The following NMBR variants were observed in gnomAD, a reference collection of about 807,000 sequenced individuals.
The protein encoded by NMBR is neuromedin-B receptor.
Under a neutral mutation model 20.5 loss-of-function variants are expected in NMBR, and 16 were observed. That is an observed-to-expected ratio of 0.78 (90% CI 0.53 to 1.19). NMBR has a LOEUF of 1.19. NMBR is among the 50% of genes most tolerant of loss of function. The pLI is 0.00. For synonymous variants in NMBR, 212 were observed against 196.6 expected (o/e 1.08, Z -0.65); for missense variants, 582 against 499.1 (o/e 1.17, Z -1.58).
Position 142,079,154 on chromosome 6 carries a change from G to GAAAGAA in NMBR, c.423-252_423-251insTTCTTT, listed in dbSNP as rs1562390312. Among the ~76,000 whole-genome samples, 4 of 76,592 alleles carry GAAAGAA rather than the reference G, an allele frequency of 5.2e-5. No individual in the cohort carries two copies. In the East Asian group the frequency reaches 2.4e-3, roughly 46 times the overall value. 50.2% of individuals were successfully genotyped at this position (76,592 alleles called of 152,430 possible). On this transcript the variant is annotated intron_variant, in intron 2 of 3. Transcript: ENST00000258042. ...GAAAGAAAGAAAGAAAAAGAAGAGA[G>GAAAGAA]GAGAGGAGAGGAAAGGAAAGGAAAG...
intron 1 of NMBR, among the ~76,000 whole-genome samples, chr6:142,114,059 T>C (rs1239412350): frequency 2.0e-5 from 3 of 151,984 alleles, no homozygotes; most frequent in Non-Finnish European, 2.9e-5. Context: ...AATTACAAAA[T>C]AGGAAAAGCG....
chr6:142,106,929 A>C (rs1398317707), intron 1 of NMBR, among the ~76,000 whole-genome samples: 8 of 152,220 alleles, frequency 5.3e-5, no homozygotes, highest in Non-Finnish European at 7.3e-5. Context: ...ACATCCTTAA[A>C]AATGGAGACT....
intron 2 of NMBR, among the ~76,000 whole-genome samples, chr6:142,087,197 T>C (rs140889787): frequency 6.6e-6 from 1 of 152,332 alleles, no homozygotes; most frequent in Non-Finnish European, 1.5e-5. Context: ...AGTATTCCAG[T>C]ATTCTTGCAA....
chr6:142,124,256 G>T (rs932669005), intron 1 of NMBR, among the ~76,000 whole-genome samples: 6 of 151,858 alleles, frequency 4.0e-5, no homozygotes, highest in Non-Finnish European at 7.4e-5. Flanking sequence ...TTATTACAAG[G>T]TATGTACCAA....
rs780137881 is a variant in NMBR at position 142,088,497 on chromosome 6, G to C, written c.162C>G (p.Ile54Met). The C allele has an allele frequency of 6.2e-7, 1 of 1,614,120 alleles. No homozygotes were observed. Among genetic ancestry groups the C allele is most frequent in the Non-Finnish European group, 8.5e-7 (1 of 1,180,018 alleles). ...CVIPSLYLLI[I>M]TVGLLGNIML... Reference sequence around the variant, plus strand: ...TGATGTTGCCCAGCAAGCCCACGGTGATGATGAGCAGGTAGAGGGACGGGA... The same window carrying C: ...TGATGTTGCCCAGCAAGCCCACGGTCATGATGAGCAGGTAGAGGGACGGGA... The change falls in exon 2 of 4, where the codon ATC becomes ATG. Residue 54 changes from isoleucine to methionine, a missense_variant. Coordinates refer to ENST00000258042, the MANE Select transcript of NMBR (RefSeq NM_002511.4).
At chr6:142,094,727 A>G (rs1017674620) in intron 1 of NMBR, among the ~76,000 whole-genome samples, 57 of 152,180 alleles carry the variant, frequency 3.7e-4, no homozygotes, top group African/African-American at 1.3e-3. Context: ...CATTGAATCT[A>G]TAAATTACCT....
In NMBR at chr6:142,106,135, T is replaced by A. The variant is rs563111871; in HGVS notation, c.-663-16814A>T. Among the ~76,000 whole-genome samples the A allele has an allele frequency of 5.9e-5, 9 of 152,268 alleles. No individual in the cohort carries two copies. In the East Asian group the frequency reaches 1.5e-3, roughly 26 times the overall value. On this transcript the variant is annotated intron_variant, in intron 1 of 3. Transcript: ENST00000258042. ...CCCAGGAAGGTCAGGACTATGAAGG[T>A]TATGACCTGTCTGAGTCCTGAATTT...
intron 1 of NMBR, among the ~76,000 whole-genome samples, chr6:142,120,763 T>C (rs768307043): frequency 4.6e-5 from 7 of 151,940 alleles, no homozygotes; most frequent in Non-Finnish European, 7.4e-5. Context: ...TTCAAAGATA[T>C]CTACCTGATT....
chr6:142,121,307 G>C (rs144574479), intron 1 of NMBR, among the ~76,000 whole-genome samples: 370 of 151,876 alleles, frequency 2.4e-3, no homozygotes, highest in Non-Finnish European at 4.2e-3. Context: ...CCCAACAAAG[G>C]CCTCTAAGTG....
At chr6:142,102,684 G>C (rs1202857309) in intron 1 of NMBR, among the ~76,000 whole-genome samples, 1 of 152,182 alleles carries the variant, frequency 6.6e-6, no homozygotes, top group East Asian at 1.9e-4. Flanking sequence ...AGGTTAAGAG[G>C]AGTGAATCAG....
Position 142,140,822 on chromosome 6 carries a change from G to C in NMBR, c.-664+6222C>G, listed in dbSNP as rs1778350323. 2.0e-5 allele frequency among the ~76,000 whole-genome samples: 3 copies of C among 152,056 alleles called. 1 individual carries two copies. Among genetic ancestry groups the C allele is most frequent in the Non-Finnish European group, 4.4e-5 (3 of 67,974 alleles). ...AAACTCAAGTCAATTTTACAGCAAGGAATGATGACAGAGATTAAAGAGACA... is the reference window on the plus strand; with the variant it reads ...AAACTCAAGTCAATTTTACAGCAAGCAATGATGACAGAGATTAAAGAGACA... On this transcript the variant is annotated intron_variant, in intron 1 of 3. Coordinates refer to ENST00000258042, the MANE Select transcript of NMBR (RefSeq NM_002511.4).
intron 1 of NMBR, among the ~76,000 whole-genome samples, chr6:142,125,521 T>TACATGTTCATCCATA (rs1554215499): frequency 1.4e-5 from 1 of 70,506 alleles, no homozygotes; most frequent in Admixed American, 1.2e-4. Context: ...ACATACACAA[T>TACATGTTCATCCATA]TACTCATGCT....
At chr6:142,119,500 G>T (rs1310089901) in intron 1 of NMBR, among the ~76,000 whole-genome samples, 1 of 151,906 alleles carries the variant, frequency 6.6e-6, no homozygotes, top group Non-Finnish European at 1.5e-5. Context: ...GTGTGGCAGG[G>T]ATGTAAAGGT....
intron 3 of NMBR, among the ~76,000 whole-genome samples, chr6:142,077,952 T>G (rs1429677627): frequency 1.3e-5 from 2 of 152,218 alleles, no homozygotes; most frequent in Non-Finnish European, 2.9e-5. Context: ...ATGATGTAAT[T>G]TTTAAATGAG....
intron 1 of NMBR, among the ~76,000 whole-genome samples, chr6:142,098,173 C>T (rs1360850675): frequency 1.3e-5 from 2 of 152,042 alleles, no homozygotes; most frequent in Non-Finnish European, 1.5e-5. Context: ...AAAGCTAAAC[C>T]CTTCACATCC....
chr6:142,134,518 G>C, intron 1 of NMBR: 1 of 485,302 alleles, frequency 2.1e-6, no homozygotes, highest in South Asian at 4.2e-5. Flanking sequence ...AGATATTTCT[G>C]ACATACTTTA....
Position 142,142,090 on chromosome 6 carries a change from T to A in NMBR, c.-664+4954A>T, listed in dbSNP as rs977753085. 4.6e-5 allele frequency among the ~76,000 whole-genome samples: 7 copies of A among 152,254 alleles called. No individual in the cohort carries two copies. In the South Asian group the frequency reaches 6.2e-4, roughly 14 times the overall value. On this transcript the variant is annotated intron_variant, in intron 1 of 3. Coordinates refer to ENST00000258042, the MANE Select transcript of NMBR (RefSeq NM_002511.4). ...TCCTGAACAATGTTAGGTCAATAAG[T>A]TTTTGATACTTAGATGAAAAAATTT...
intron 2 of NMBR, among the ~76,000 whole-genome samples, chr6:142,080,977 A>G (rs1362340798): frequency 1.3e-5 from 2 of 152,264 alleles, no homozygotes; most frequent in African/African-American, 4.8e-5. Flanking sequence ...TTGAGCTGCT[A>G]TAATAAAGTA....
chr6:142,106,537 A>T (rs1425528797), intron 1 of NMBR, among the ~76,000 whole-genome samples: 2 of 152,214 alleles, frequency 1.3e-5, no homozygotes, highest in Non-Finnish European at 2.9e-5. Context: ...ATACAGACAT[A>T]CAAACACAGA....
Sources: allele counts gnomAD v4.1 joint callset (sites outside exome capture counted in the v4.1 genomes callset), GRCh38; gene constraint gnomAD v4.1.1; transcripts MANE v1.5; gene names NCBI Gene and HGNC (gene_info 2026-07-23, HGNC 2026-07-21).